Variants in OAS3 observed in about 807,000 individuals in gnomAD.
OAS3 encodes the protein 2'-5'-oligoadenylate synthetase 3.
A neutral mutation model predicts 113.0 loss-of-function variants in OAS3; 107 were observed. The ratio of observed to expected loss-of-function variants is 0.95; its 90% CI spans 0.81 to 1.11. OAS3 has a LOEUF of 1.11. Ranked by LOEUF, OAS3 falls within the 50% of genes most tolerant of loss-of-function variation. The probability of loss-of-function intolerance (pLI) is 0.00; values close to 1 mark genes in which losing one functional copy is unlikely to be tolerated. For missense variants in OAS3, 1,258 were observed against 1,389.1 expected (o/e 0.91, Z 1.50); for synonymous variants, 552 against 573.6 (o/e 0.96, Z 0.54).
At chr12:112,941,464 G>A in intron 1 of OAS3, 106 bp from the exon 2 acceptor site, 1 of 1,279,068 alleles carries the variant, frequency 7.8e-7, no homozygotes, top group Non-Finnish European at 1.1e-6. Flanking sequence ...CAGCCATGTG[G>A]CCACAGTCTC....
chr12:112,938,683 C>G lies in OAS3; in HGVS notation c.153C>G (p.Ala51=). 6.4e-7 allele frequency: 1 copy of G among 1,573,436 alleles called. No homozygotes were observed. Among genetic ancestry groups the G allele is most frequent in the South Asian group, 1.2e-5 (1 of 86,762 alleles). Residue 51 remains alanine (A), a synonymous_variant, in exon 1 of 16, where the codon GCC becomes GCG. Transcript: ENST00000228928. ...GCGGGGGCCGCCTCGGTGCTGCTGCCCCGCGGGTGCTGAAAACTGTCAAGG... is the reference window on the plus strand; with the variant it reads ...GCGGGGGCCGCCTCGGTGCTGCTGCGCCGCGGGTGCTGAAAACTGTCAAGG... ...RERGGRLGAA[A]PRVLKTVKGG...
At chr12:112,964,804 T>A (rs1176021387) in intron 11 of OAS3, among the ~76,000 whole-genome samples, 1 of 152,196 alleles carries the variant, frequency 6.6e-6, no homozygotes. Context: ...CTTTGGCAGC[T>A]CTAAGCTTCC....
Position 112,954,752 on chromosome 12 carries a change from C to T in OAS3, c.1657+3777C>T, listed in dbSNP as rs924951207. 2.6e-5 allele frequency among the ~76,000 whole-genome samples: 4 copies of T among 152,130 alleles called. No individual in the cohort carries two copies. Among genetic ancestry groups the T allele is most frequent in the East Asian group, 3.8e-4 (2 of 5,200 alleles). Reference sequence around the variant, plus strand: ...TGTAGTATAGTTTGAAGTCAGGTAGCGTGATGCCTCCAGCTTTGTTCTTTT... The same window carrying T: ...TGTAGTATAGTTTGAAGTCAGGTAGTGTGATGCCTCCAGCTTTGTTCTTTT... On this transcript the variant is annotated intron_variant, in intron 7 of 15. Coordinates refer to ENST00000228928, the MANE Select transcript of OAS3 (RefSeq NM_006187.4). The surrounding 1 kb of genome is among the most constrained non-coding windows in gnomAD (Gnocchi z 4.0).
intron 3 of OAS3, 25 bp downstream of exon 3, chr12:112,944,676 C>T: frequency 1.2e-6 from 2 of 1,612,716 alleles, no homozygotes; most frequent in Non-Finnish European, 1.7e-6. Flanking sequence ...AAGGGTTTCT[C>T]CAGACATGTG....
chr12:112,944,435 C>T, intron 2 of OAS3, 41 bp from the exon 3 acceptor site: 1 of 1,611,892 alleles, frequency 6.2e-7, no homozygotes, highest in East Asian at 2.2e-5. Context: ...CATCCTGTGT[C>T]CTCAGTGCCC....
chr12:112,969,955 TC>T lies in OAS3; in HGVS notation c.3253-3del, dbSNP rs1477638698. On this transcript the variant is annotated splice_region_variant and splice_polypyrimidine_tract_variant and intron_variant, in intron 15 of 15. Coordinates refer to ENST00000228928, the MANE Select transcript of OAS3 (RefSeq NM_006187.4). ...GGTTACCAACATCTCTTATAATACT[TC>T]CCCAGGCTGCTGTGTGAAGTTGAGA... 3 of 1,607,550 alleles carry T rather than the reference TC, an allele frequency of 1.9e-6. No homozygotes were observed. Among genetic ancestry groups the T allele is most frequent in the East Asian group, 2.2e-5 (1 of 44,822 alleles).
In OAS3 at chr12:112,943,859, G is replaced by A. The variant is rs138674776; in HGVS notation, c.461-617G>A. On this transcript the variant is annotated intron_variant, in intron 2 of 15. Transcript: ENST00000228928. ...CTCTGGAGTAGCTGGGATTACAGGCGAGTGCCAACATGACTGGCTAATTTT... is the reference window on the plus strand; with the variant it reads ...CTCTGGAGTAGCTGGGATTACAGGCAAGTGCCAACATGACTGGCTAATTTT... Among the ~76,000 whole-genome samples the A allele has an allele frequency of 3.3e-3, 499 of 152,196 alleles. 2 individuals carry two copies. The highest frequency in any genetic ancestry group is 0.011 in the African/African-American group (472 of 41,522).
At chr12:112,966,346 G>A (rs2043934197) in intron 12 of OAS3, among the ~76,000 whole-genome samples, 1 of 152,152 alleles carries the variant, frequency 6.6e-6, no homozygotes, top group Admixed American at 6.5e-5. Context: ...TCTCACATCT[G>A]ACAGTAAGGA....
At chr12:112,952,992 GA>G (rs199501758) in intron 7 of OAS3, among the ~76,000 whole-genome samples, 55 of 151,880 alleles carry the variant, frequency 3.6e-4, no homozygotes, top group East Asian at 3.5e-3. Context: ...TTTTTTCTAT[GA>G]TTTTTTTATT....
At chr12:112,967,760 A>T (rs747903337) in intron 13 of OAS3, among the ~76,000 whole-genome samples, 167 bp downstream of exon 13, 1 of 152,190 alleles carries the variant, frequency 6.6e-6, no homozygotes, top group African/African-American at 2.4e-5. Context: ...CTTATCTGTA[A>T]GATGGGGGTG....
At position 112,970,114 on chromosome 12, in the gene OAS3, G is replaced by A. The variant is rs1211069763; in HGVS notation, c.*141G>A. ...CACATGTGTGCATGTGTGTGCACAC[G>A]TGTGCATGTGTGTGTTTTAGTGAAT... On this transcript the variant is annotated 3_prime_UTR_variant, in exon 16 of 16. Transcript: ENST00000228928. 24 of 917,248 alleles carry A rather than the reference G, an allele frequency of 2.6e-5. No homozygotes were observed. Among genetic ancestry groups the A allele is most frequent in the East Asian group, 1.1e-4 (4 of 37,890 alleles). 56.8% of individuals were successfully genotyped at this position (917,248 alleles called of 1,614,324 possible).
At chr12:112,957,442 A>G (rs980088285) in intron 7 of OAS3, among the ~76,000 whole-genome samples, 3 of 152,182 alleles carry the variant, frequency 2.0e-5, no homozygotes, top group Admixed American at 6.5e-5. Context: ...GATGGTCTTT[A>G]CAATTAGGCA....
At position 112,969,769 on chromosome 12, in the gene OAS3, G is replaced by A; in HGVS notation, c.3252+14G>A. The A allele has an allele frequency of 6.2e-7, 1 of 1,610,974 alleles. No homozygotes were observed. The highest frequency in any genetic ancestry group is 1.3e-5 in the African/African-American group (1 of 74,986). On this transcript the variant is annotated intron_variant, in intron 15 of 15. Transcript: ENST00000228928. ...TGGCCAGTGAAGGTGAGAGATCTGT[G>A]GTGCCAAAGGAAGTACCCTTTAGGG...
In OAS3 at chr12:112,967,960, G is replaced by A. The variant is rs1375512018; in HGVS notation, c.2890G>A (p.Gly964Ser). 2 of 1,613,606 alleles carry A rather than the reference G, an allele frequency of 1.2e-6. No homozygotes were observed. The highest frequency in any genetic ancestry group is 2.7e-5 in the African/African-American group (2 of 74,878). Residue 964 changes from glycine to serine, a missense_variant, in exon 14 of 16, where the codon GGC becomes AGC. Gly to Ser is a moderately conservative substitution (Grantham distance 56). Coordinates refer to ENST00000228928, the MANE Select transcript of OAS3 (RefSeq NM_006187.4). ...GTGTACCAAGATCTCCAAGGGGAGA[G>A]GCTCCCTACCCCCACAGCACGGGCT... ...QQCTKISKGR[G>S]SLPPQHGLEL... is the part of the protein sequence containing the mutation.
chr12:112,961,130 G>A lies in OAS3; in HGVS notation c.1717G>A (p.Gly573Ser). ...PQVYSRLLTS[G>S]CQEGEHKACF... ...GGTCTACTCGAGGCTCCTCACCAGT[G>A]GCTGCCAGGAGGGCGAGCATAAGGC... Residue 573 changes from glycine (G) to serine (S), a missense_variant, in exon 8 of 16, where the codon GGC (glycine) becomes AGC (serine). Coordinates refer to ENST00000228928, the MANE Select transcript of OAS3 (RefSeq NM_006187.4). 1 of 1,613,346 alleles carries A rather than the reference G, an allele frequency of 6.2e-7. No individual in the cohort carries two copies. The highest frequency in any genetic ancestry group is 1.1e-5 in the South Asian group (1 of 91,044).
chr12:112,944,528 C>T lies in OAS3; in HGVS notation c.513C>T (p.Leu171=), dbSNP rs779162742. 1 of 1,614,070 alleles carries T rather than the reference C, an allele frequency of 6.2e-7. No homozygotes were observed. Residue 171 remains leucine (L), a synonymous_variant, in exon 3 of 16, where the codon CTC becomes CTT. Coordinates refer to ENST00000228928, the MANE Select transcript of OAS3 (RefSeq NM_006187.4). The part of the protein sequence containing the change: ...KPKPQVYSTL[L]NSGCQGGEHA... Reference sequence around the variant, plus strand: ...AGCCACAAGTCTACTCTACCCTCCTCAACAGTGGCTGCCAAGGGGGCGAGC... The same window carrying T: ...AGCCACAAGTCTACTCTACCCTCCTTAACAGTGGCTGCCAAGGGGGCGAGC...
intron 13 of OAS3, 76 bp downstream of exon 13, chr12:112,967,669 G>C: frequency 6.6e-7 from 1 of 1,504,970 alleles, no homozygotes. Flanking sequence ...GGAGGAAGCA[G>C]GGCCCAGCCC....
intron 13 of OAS3, among the ~76,000 whole-genome samples, 171 bp from the exon 14 acceptor site, chr12:112,967,765 G>A (rs908871311): frequency 2.0e-5 from 3 of 151,990 alleles, no homozygotes; most frequent in African/African-American, 7.3e-5. Flanking sequence ...CTGTAAGATG[G>A]GGGTGATAAA....
At position 112,963,459 on chromosome 12, in the gene OAS3, TA is replaced by T; in HGVS notation, c.2229+4del. 1 of 1,539,010 alleles carries T rather than the reference TA, an allele frequency of 6.5e-7. No homozygotes were observed. The highest frequency in any genetic ancestry group is 8.8e-7 in the Non-Finnish European group (1 of 1,138,780). Reference sequence around the variant, plus strand: ...TCTGTGCAGCCCTGGGATGTGATGGTAAGATGGAGGGTCCTGGGGGGCAGGG... The same window carrying T: ...TCTGTGCAGCCCTGGGATGTGATGGTAGATGGAGGGTCCTGGGGGGCAGGG... On this transcript the variant is annotated splice_donor_region_variant and intron_variant, in intron 10 of 15. Transcript: ENST00000228928. The surrounding 1 kb of genome is among the most constrained non-coding windows in gnomAD (Gnocchi z 4.6).
Sources: allele counts gnomAD v4.1 joint callset (sites outside exome capture counted in the v4.1 genomes callset), GRCh38; gene constraint gnomAD v4.1.1; non-coding constraint Gnocchi (gnomAD v3.1); transcripts MANE v1.5; gene names NCBI Gene and HGNC (gene_info 2026-07-23, HGNC 2026-07-21).